Variants in CTNNA2 observed in about 807,000 individuals in gnomAD.
CTNNA2 encodes catenin alpha 2.
Under a neutral mutation model 101.0 loss-of-function variants are expected in CTNNA2, and 42 were observed. That is an observed-to-expected ratio of 0.42 (90% confidence interval 0.32 to 0.54). The LOEUF (loss-of-function observed/expected upper bound fraction) is 0.54, where lower values mean the gene tolerates loss of function less well. CTNNA2 is among the 20% of genes least tolerant of loss of function. The pLI is 0.14. For synonymous variants in CTNNA2, 450 were observed against 456.4 expected (o/e 0.99, Z 0.18); for missense variants, 871 against 1,223.1 (o/e 0.71, Z 4.29).
intron 3 of CTNNA2, among the ~76,000 whole-genome samples, chr2:79,761,606 T>A (rs940282280): frequency 1.3e-5 from 2 of 152,156 alleles, no homozygotes; most frequent in African/African-American, 4.8e-5. Context: ...AAGAAGCAGT[T>A]TGTTGCTTCT....
intron 7 of CTNNA2, among the ~76,000 whole-genome samples, chr2:80,012,401 G>A (rs1288660271): frequency 6.6e-6 from 1 of 152,246 alleles, no homozygotes; most frequent in Admixed American, 6.5e-5. Context: ...CTGTCTTGTT[G>A]CCTCTTGAGA....
intron 4 of CTNNA2, among the ~76,000 whole-genome samples, chr2:79,470,235 G>C (rs1392052644): frequency 6.6e-6 from 1 of 152,164 alleles, no homozygotes; most frequent in Non-Finnish European, 1.5e-5. Context: ...AGCTTTCCCA[G>C]ATAATGCTGG....
chr2:79,819,557 G>A (rs191510314), intron 3 of CTNNA2, among the ~76,000 whole-genome samples: 1 of 152,248 alleles, frequency 6.6e-6, no homozygotes, highest in Admixed American at 6.5e-5. Flanking sequence ...TTGTATGTGT[G>A]TTAAGAATAT....
chr2:80,078,906 G>A (rs1393926776), intron 7 of CTNNA2, among the ~76,000 whole-genome samples: 1 of 152,014 alleles, frequency 6.6e-6, no homozygotes, highest in Non-Finnish European at 1.5e-5. Context: ...TTTCCTTTTA[G>A]GTTTTAGAAG....
intron 2 of CTNNA2, among the ~76,000 whole-genome samples, chr2:79,666,628 G>A (rs533068074): frequency 6.6e-6 from 1 of 152,312 alleles, no homozygotes; most frequent in East Asian, 1.9e-4. Flanking sequence ...CTTGATAAGT[G>A]CTGACACAGG....
intron 2 of CTNNA2, among the ~76,000 whole-genome samples, chr2:79,301,490 A>G (rs1463159830): frequency 6.6e-6 from 1 of 152,208 alleles, no homozygotes; most frequent in Non-Finnish European, 1.5e-5. Context: ...GGTCTTAGGC[A>G]GAAGGAACCT....
At chr2:79,191,987 A>G (rs1171717613) in intron 1 of CTNNA2, among the ~76,000 whole-genome samples, 2 of 152,148 alleles carry the variant, frequency 1.3e-5, no homozygotes, top group Non-Finnish European at 2.9e-5. Context: ...AGGAATGTTG[A>G]TCAGCTGTTG....
At chr2:79,721,906 C>A (rs1686514179) in intron 2 of CTNNA2, among the ~76,000 whole-genome samples, 2 of 152,068 alleles carry the variant, frequency 1.3e-5, no homozygotes, top group Non-Finnish European at 2.9e-5. Flanking sequence ...AAAATGTTTT[C>A]TGTTTTTACA....
chr2:80,515,425 A>ATTC (rs1297080294), intron 9 of CTNNA2, among the ~76,000 whole-genome samples: 1 of 152,232 alleles, frequency 6.6e-6, no homozygotes, highest in Non-Finnish European at 1.5e-5. Flanking sequence ...ATAGCTCAGA[A>ATTC]TGACATAATA....
At chr2:80,573,029 G>A (rs527402265) in intron 12 of CTNNA2, 34 of 152,242 alleles carry the variant, frequency 2.2e-4, no homozygotes, top group African/African-American at 7.0e-4. Context: ...TTCTCACAGA[G>A]GGATTAAAAT....
Position 79,739,748 on chromosome 2 carries a change from C to T in CTNNA2, c.103-4639C>T, listed in dbSNP as rs796986413. Reference sequence around the variant, plus strand: ...TATCAAACTTACGCACAGATACCTGCAATTCCAGCAATTGGGCCACCTTGT... The same window carrying T: ...TATCAAACTTACGCACAGATACCTGTAATTCCAGCAATTGGGCCACCTTGT... On this transcript the variant is annotated intron_variant, in intron 2 of 18. Coordinates refer to ENST00000402739, the MANE Select transcript of CTNNA2 (RefSeq NM_001282597.3). Among the ~76,000 whole-genome samples, 54 of 152,314 alleles carry T rather than the reference C, an allele frequency of 3.5e-4. 1 individual carries two copies. Among genetic ancestry groups the T allele is most frequent in the African/African-American group, 1.1e-3 (46 of 41,572 alleles).
At chr2:79,826,547 T>C (rs1678452589) in intron 3 of CTNNA2, among the ~76,000 whole-genome samples, 1 of 152,220 alleles carries the variant, frequency 6.6e-6, no homozygotes, top group Non-Finnish European at 1.5e-5. Context: ...GCAGCCACTA[T>C]CATCTTCATA....
intron 2 of CTNNA2, among the ~76,000 whole-genome samples, chr2:79,312,098 G>A (rs184548466): frequency 7.2e-5 from 11 of 152,074 alleles, no homozygotes; most frequent in Non-Finnish European, 1.5e-4. Flanking sequence ...TAGAGACAGG[G>A]TCTTGTCACC....
intron 1 of CTNNA2, among the ~76,000 whole-genome samples, chr2:79,629,330 G>A (rs1679533461): frequency 6.6e-6 from 1 of 152,172 alleles, no homozygotes; most frequent in Non-Finnish European, 1.5e-5. Flanking sequence ...AGAATAAAGA[G>A]TATCTGTTTC....
chr2:80,482,449 C>T (rs765970977), intron 9 of CTNNA2, among the ~76,000 whole-genome samples: 25 of 152,142 alleles, frequency 1.6e-4, no homozygotes, highest in South Asian at 2.1e-4. Flanking sequence ...CGTTATGAGA[C>T]GGACAGTCTG....
rs1704390798 is a variant in CTNNA2, at chr2:80,162,548, T to C, written c.1057-230663T>C. The stretch of plus-strand genomic sequence containing the variant: ...ATGATTCCTATCTTCATAGAAGAAA[T>C]CATCTCTTTCCTCTGTAATGATGGT... On this transcript the variant is annotated intron_variant, in intron 7 of 18. Transcript: ENST00000402739. The C allele has an allele frequency of 3.1e-6, 5 of 1,606,796 alleles. No homozygotes were observed. The East Asian group carries it at 1.1e-4, about 36-fold the overall frequency.
At chr2:79,248,555 G>A (rs1674727509) in intron 2 of CTNNA2, among the ~76,000 whole-genome samples, 1 of 152,086 alleles carries the variant, frequency 6.6e-6, no homozygotes, top group African/African-American at 2.4e-5. Flanking sequence ...ATTGAGGAGT[G>A]CAGGCCTAGA....
chr2:79,352,893 C>T (rs1055122220), intron 3 of CTNNA2, among the ~76,000 whole-genome samples: 2 of 152,140 alleles, frequency 1.3e-5, no homozygotes, highest in Non-Finnish European at 2.9e-5. Flanking sequence ...AGAAAACTTA[C>T]AATCATGGCG....
chr2:79,568,192 T>A (rs1678870367), intron 1 of CTNNA2, among the ~76,000 whole-genome samples: 1 of 152,206 alleles, frequency 6.6e-6, no homozygotes, highest in South Asian at 2.1e-4. Context: ...AAATAAATAT[T>A]ATTTCAGAGT....
Sources: gnomAD v4.1 joint callset for allele counts (sites outside exome capture counted in the v4.1 genomes callset) on GRCh38, gnomAD v4.1.1 for gene constraint, MANE v1.5 for transcripts, NCBI Gene and HGNC (gene_info 2026-07-23, HGNC 2026-07-21) for gene names.